The following PLOD1 variants were observed in gnomAD, a reference collection of about 807,000 sequenced individuals.
PLOD1 encodes lysine hydroxylase.
PLOD1 carries 70 observed loss-of-function variants against 94.7 expected under a neutral mutation model. The ratio of observed to expected loss-of-function variants is 0.74; its 90% CI spans 0.61 to 0.90. PLOD1 has a LOEUF of 0.90. Ranked by LOEUF, PLOD1 falls within the 40% of genes least tolerant of loss-of-function variation. The probability of loss-of-function intolerance (pLI) is 0.00; values close to 1 mark genes in which losing one functional copy is unlikely to be tolerated. For missense variants in PLOD1, 905 were observed against 972.7 expected (o/e 0.93, Z 0.93); for synonymous variants, 417 against 400.2 (o/e 1.04, Z -0.50).
intron 16 of PLOD1, among the ~76,000 whole-genome samples, chr1:11,968,544 C>T (rs1312445693): frequency 4.0e-5 from 6 of 149,998 alleles, no homozygotes; most frequent in East Asian, 1.9e-4. Context: ...AATGGAGTCT[C>T]GCTGTGTCGC....
Position 11,942,751 on chromosome 1 carries a change from G to A in PLOD1, c.77-5225G>A, listed in dbSNP as rs149228409. On this transcript the variant is annotated intron_variant, in intron 1 of 18. Transcript: ENST00000196061. ...GATTGGACCAGTGATTCCCAAATGT[G>A]GCTGACATCAGAAATCACCTGGGAA... Among the ~76,000 whole-genome samples, 20 of 152,220 alleles carry A rather than the reference G, an allele frequency of 1.3e-4. No homozygotes were observed. The East Asian group carries it at 3.1e-3, about 24-fold the overall frequency.
In PLOD1 at chr1:11,950,399, G is replaced by A; in HGVS notation, c.345G>A (p.Lys115=). The change falls in exon 4 of 19, where the codon AAG becomes AAA. Residue 115 remains lysine, a synonymous_variant. Coordinates refer to ENST00000196061, the MANE Select transcript of PLOD1 (RefSeq NM_000302.4). ...CATCGGGGCCCCGGGAGCTCCTGAA[G>A]AAGTTCCGGCAGGCCAGGAGCCAGG... is the stretch of plus-strand genomic sequence containing the variant. ...LFASGPRELL[K]KFRQARSQVV... 6.2e-7 allele frequency: 1 copy of A among 1,614,194 alleles called. No individual in the cohort carries two copies. The highest frequency in any genetic ancestry group is 8.5e-7 in the Non-Finnish European group (1 of 1,180,012).
chr1:11,952,976 C>A (rs72641004), intron 5 of PLOD1, among the ~76,000 whole-genome samples: 1 of 152,014 alleles, frequency 6.6e-6, no homozygotes, highest in Non-Finnish European at 1.5e-5. Flanking sequence ...CTGGTACAGA[C>A]ACAGCTGACT....
At chr1:11,970,879 C>A in intron 17 of PLOD1, 63 bp downstream of exon 17, 1 of 1,057,306 alleles carries the variant, frequency 9.5e-7, no homozygotes, top group Non-Finnish European at 1.3e-6. Context: ...AGTGGAGTGG[C>A]TGGGACTGGT....
intron 4 of PLOD1, among the ~76,000 whole-genome samples, chr1:11,951,237 A>G (rs1218691675): frequency 6.6e-6 from 1 of 152,090 alleles, no homozygotes; most frequent in Admixed American, 6.6e-5. Flanking sequence ...CTTCCAGGCC[A>G]TTCTCCATCC....
rs1274860867 is a variant in PLOD1, at chr1:11,957,206, C to CT, written c.741+193dup. The CT allele has an allele frequency of 1.5e-5, 11 of 756,030 alleles. No individual in the cohort carries two copies. Among genetic ancestry groups the CT allele is most frequent in the Non-Finnish European group, 2.5e-5 (10 of 403,234 alleles). 46.8% of individuals were successfully genotyped at this position (756,030 alleles called of 1,614,324 possible). On this transcript the variant is annotated intron_variant, in intron 7 of 18. Transcript: ENST00000196061. The surrounding 1 kb of genome is among the most constrained non-coding windows in gnomAD (Gnocchi z 4.1). ...TCCTGCTGTGGTGGTCAGTGGTACT[C>CT]TGTCTGTTCTTGCTGGTCACAGGAC...
In PLOD1 at chr1:11,958,108, T is replaced by C. The variant is rs955322482; in HGVS notation, c.843+165T>C. 6.6e-6 allele frequency among the ~76,000 whole-genome samples: 1 copy of C among 152,084 alleles called. No homozygotes were observed. Among genetic ancestry groups the C allele is most frequent in the African/African-American group, 2.4e-5 (1 of 41,406 alleles). The stretch of plus-strand genomic sequence containing the variant: ...CGGTTGCCACCCAAGTGCCTCCTCC[T>C]GGAAGCCCTCTCAGATTGCATGTCT... On this transcript the variant is annotated intron_variant, in intron 8 of 18. Coordinates refer to ENST00000196061, the MANE Select transcript of PLOD1 (RefSeq NM_000302.4). This position sits in a 1 kb window ranked among gnomAD's most constrained non-coding sequence, Gnocchi z 4.3.
At chr1:11,964,370 C>A in intron 12 of PLOD1, 70 bp downstream of exon 12, 2 of 1,475,506 alleles carry the variant, frequency 1.4e-6, no homozygotes, top group Non-Finnish European at 1.9e-6. Context: ...TTGTGGGGCT[C>A]CCTCCCTATT....
Position 11,970,864 on chromosome 1 carries a change from G to A in PLOD1, c.1902+48G>A, listed in dbSNP as rs1488591826. On this transcript the variant is annotated intron_variant, in intron 17 of 18. Coordinates refer to ENST00000196061, the MANE Select transcript of PLOD1 (RefSeq NM_000302.4). ...CAGGATGCGGGGACAGTTGGGTGGG[G>A]TGTCAGTGGAGTGGCTGGGACTGGT... The A allele has an allele frequency of 2.0e-6, 3 of 1,509,556 alleles. No individual in the cohort carries two copies. The Admixed American group carries it at 5.4e-5, about 27-fold the overall frequency. The allele number at this position is 1,509,556 out of a possible 1,614,324, so 93.5% of individuals were successfully genotyped here.
chr1:11,959,359 T>C lies in PLOD1; in HGVS notation c.975+712T>C, dbSNP rs375729034. Among the ~76,000 whole-genome samples, 6 of 152,248 alleles carry C rather than the reference T, an allele frequency of 3.9e-5. No individual in the cohort carries two copies. In the East Asian group the frequency reaches 5.8e-4, roughly 15 times the overall value. On this transcript the variant is annotated intron_variant, in intron 9 of 18. Transcript: ENST00000196061. ...GGACGCATCTAGTTGCTTCTAACTGTTGTCATCTTCACTTCCATCCCTGTC... is the reference window on the plus strand; with the variant it reads ...GGACGCATCTAGTTGCTTCTAACTGCTGTCATCTTCACTTCCATCCCTGTC...
chr1:11,940,436 C>CA (rs1253274537), intron 1 of PLOD1, among the ~76,000 whole-genome samples: 1 of 152,200 alleles, frequency 6.6e-6, no homozygotes, highest in African/African-American at 2.4e-5. Flanking sequence ...AACCCCCCCG[C>CA]AGCTACCAAG....
At chr1:11,969,496 GC>G (rs1201889845) in intron 16 of PLOD1, among the ~76,000 whole-genome samples, 2 of 152,180 alleles carry the variant, frequency 1.3e-5, no homozygotes, top group Non-Finnish European at 2.9e-5. Flanking sequence ...CATTCTGGGG[GC>G]TGGCTGATGC....
At chr1:11,946,321 A>G (rs1645654497) in intron 1 of PLOD1, among the ~76,000 whole-genome samples, 1 of 152,130 alleles carries the variant, frequency 6.6e-6, no homozygotes, top group South Asian at 2.1e-4. Flanking sequence ...TTTCCAGAAG[A>G]TTCTGTTGCA....
rs545886242 is a variant in PLOD1 at position 11,941,442 on chromosome 1, C to T, written c.77-6534C>T. 6.7e-3 allele frequency among the ~76,000 whole-genome samples: 991 copies of T among 148,706 alleles called. 5 individuals carry two copies. The highest frequency in any genetic ancestry group is 0.011 in the Non-Finnish European group (731 of 67,880). On this transcript the variant is annotated intron_variant, in intron 1 of 18. Coordinates refer to ENST00000196061, the MANE Select transcript of PLOD1 (RefSeq NM_000302.4). The stretch of plus-strand genomic sequence containing the variant: ...TGCCTCCTGGTTTCAAGTGATTCTC[C>T]TGCCTTAGTCTCCTAAGTAGCTGGG...
At chr1:11,944,538 G>A (rs1317286462) in intron 1 of PLOD1, 1 of 1,348,810 alleles carries the variant, frequency 7.4e-7, no homozygotes, top group Admixed American at 2.0e-5. Flanking sequence ...GTTGCCAAGA[G>A]GGCCTCAGAG....
At chr1:11,937,100 G>A (rs1307654876) in intron 1 of PLOD1, among the ~76,000 whole-genome samples, 7 of 152,084 alleles carry the variant, frequency 4.6e-5, no homozygotes, top group South Asian at 2.1e-4. Context: ...CGCCTACCTC[G>A]GCCTCCCAAA....
chr1:11,966,956 AC>A (rs1557497908), intron 15 of PLOD1, 30 bp from the exon 16 acceptor site: 1 of 1,315,976 alleles, frequency 7.6e-7, no homozygotes, highest in South Asian at 1.2e-5. Context: ...GCCACTGTGG[AC>A]CCCCTTGACT....
In PLOD1 at chr1:11,957,631, C is replaced by T. The variant is rs747617363; in HGVS notation, c.742-211C>T. On this transcript the variant is annotated intron_variant, in intron 7 of 18. Coordinates refer to ENST00000196061, the MANE Select transcript of PLOD1 (RefSeq NM_000302.4). This position sits in a 1 kb window ranked among gnomAD's most constrained non-coding sequence, Gnocchi z 4.1. ...CAGGAATCTGCATTTTACAAGCTCT[C>T]GGGAGAAGCACTAGAGTGCCAAGCC... is the stretch of plus-strand genomic sequence containing the variant. Among the ~76,000 whole-genome samples, 7 of 152,192 alleles carry T rather than the reference C, an allele frequency of 4.6e-5. No homozygotes were observed. The highest frequency in any genetic ancestry group is 2.1e-4 in the South Asian group (1 of 4,836).
intron 5 of PLOD1, chr1:11,954,186 G>GT: frequency 7.0e-6 from 1 of 143,882 alleles, no homozygotes; most frequent in Non-Finnish European, 1.5e-5. Flanking sequence ...ATTTGGAGTA[G>GT]CGGCCAGGTG....
Sources: allele counts gnomAD v4.1 joint callset (sites outside exome capture counted in the v4.1 genomes callset), GRCh38; gene constraint gnomAD v4.1.1; non-coding constraint Gnocchi (gnomAD v3.1); transcripts MANE v1.5; gene names NCBI Gene and HGNC (gene_info 2026-07-23, HGNC 2026-07-21).